The following TTLL9 variants were observed in gnomAD, a reference collection of about 807,000 sequenced individuals.
TTLL9 encodes tubulin tyrosine ligase like 9.
A neutral mutation model predicts 65.6 loss-of-function variants in TTLL9; 47 were observed. That is an observed-to-expected ratio of 0.72 (90% CI 0.57 to 0.91). The LOEUF is 0.91. Among genes scored for constraint, TTLL9 ranks in the 40% least tolerant of loss-of-function variants. The pLI is 0.00. For synonymous variants in TTLL9, 179 were observed against 204.8 expected (o/e 0.87, Z 1.07); for missense variants, 537 against 568.8 (o/e 0.94, Z 0.57).
intron 14 of TTLL9, chr20:31,939,509 T>G (rs6579308): frequency 0.027 from 9,699 of 354,718 alleles, 846 homozygotes; most frequent in African/African-American, 0.18. Flanking sequence ...ATTTGAAAAC[T>G]AGAGAAAGAA....
Position 31,926,090 on chromosome 20 carries a change from G to C in TTLL9, c.747G>C (p.Gln249His), listed in dbSNP as rs201285606. The C allele has an allele frequency of 1.9e-6, 3 of 1,600,072 alleles. No homozygotes were observed. Among genetic ancestry groups the C allele is most frequent in the Non-Finnish European group, 2.6e-6 (3 of 1,167,332 alleles). The stretch of plus-strand genomic sequence containing the variant: ...TGCTGTGGTCTGGGCACAGGAGACA[G>C]GGTATGAGATAGGTCTGGTCCCTTC... ...ECLLWSGHRR[Q>H]DVHLTNVAVQ... The change falls in exon 10 of 15, where the codon CAG becomes CAC. Residue 249 changes from glutamine (Q) to histidine (H), a missense_variant and splice_region_variant. Around this residue, in one of 3 missense-constraint regions of TTLL9, gnomAD observed 12 missense variants for 32.0 expected, o/e 0.37. Coordinates refer to ENST00000535842, the MANE Select transcript of TTLL9 (RefSeq NM_001008409.5).
At chr20:31,906,607 A>G (rs2063563058) in intron 4 of TTLL9, among the ~76,000 whole-genome samples, 2 of 152,076 alleles carry the variant, frequency 1.3e-5, no homozygotes, top group Non-Finnish European at 2.9e-5. Context: ...ACTTGTCTAT[A>G]TTAGAGAAAA....
chr20:31,913,695 T>C (rs1055687202), intron 6 of TTLL9, among the ~76,000 whole-genome samples: 6 of 152,224 alleles, frequency 3.9e-5, no homozygotes, highest in African/African-American at 1.4e-4. Context: ...GGGGACCCTC[T>C]TCCTACCAGG....
chr20:31,899,247 C>T (rs949912335), intron 4 of TTLL9, among the ~76,000 whole-genome samples: 2 of 152,176 alleles, frequency 1.3e-5, no homozygotes, highest in Non-Finnish European at 2.9e-5. Flanking sequence ...TTCTACTATC[C>T]CTTAGGTGAG....
At chr20:31,908,762 G>A in intron 5 of TTLL9, 60 bp downstream of exon 5, 1 of 1,281,488 alleles carries the variant, frequency 7.8e-7, no homozygotes, top group Non-Finnish European at 1.1e-6. Flanking sequence ...GTGTGGCCAT[G>A]AGCTGGAGCT....
Position 31,871,213 on chromosome 20 carries a change from G to T in TTLL9, c.69+18G>T. 6.2e-7 allele frequency: 1 copy of T among 1,613,298 alleles called. No individual in the cohort carries two copies. Among genetic ancestry groups the T allele is most frequent in the Middle Eastern group, 1.7e-4 (1 of 6,060 alleles). On this transcript the variant is annotated intron_variant, in intron 2 of 14. Transcript: ENST00000535842. ...AATTACAGGTGAATGTTGGGAGAGG[G>T]GTTTGAGGGAGGGTTCCAGTCTGAA... is the stretch of plus-strand genomic sequence containing the variant.
chr20:31,887,862 T>TCTTCTCTTCTCTTCTCTTCTCTTCC (rs2063217536), intron 3 of TTLL9, among the ~76,000 whole-genome samples: 2 of 137,780 alleles, frequency 1.5e-5, no homozygotes, highest in Admixed American at 7.2e-5. Context: ...TCTCCTCTTC[T>TCTTCTCTTCTCTTCTCTTCTCTTCC]CTTCTCTTCT....
Position 31,943,839 on chromosome 20 carries a change from G to A in TTLL9, c.*818G>A. ...GCTCATGGGCAGGACAGCTTCGGGA[G>A]TTGAGTGTGAGTAAAAATCTGCCTT... On this transcript the variant is annotated 3_prime_UTR_variant, in exon 15 of 15. Transcript: ENST00000535842. 4.4e-6 allele frequency: 2 copies of A among 456,640 alleles called. No homozygotes were observed. Among genetic ancestry groups the A allele is most frequent in the Non-Finnish European group, 8.8e-6 (2 of 226,954 alleles). 28.3% of individuals were successfully genotyped at this position (456,640 alleles called of 1,614,324 possible).
intron 14 of TTLL9, 154 bp downstream of exon 14, chr20:31,939,420 T>G (rs1163004480): frequency 2.5e-6 from 2 of 804,118 alleles, no homozygotes; most frequent in Non-Finnish European, 3.5e-6. Flanking sequence ...TAACCTCTGT[T>G]CCTCGTTTTT....
At chr20:31,888,256 C>T (rs1278905518) in intron 3 of TTLL9, among the ~76,000 whole-genome samples, 1 of 152,130 alleles carries the variant, frequency 6.6e-6, no homozygotes, top group Non-Finnish European at 1.5e-5. Flanking sequence ...ATTTGAGATG[C>T]TTCTCTCATG....
At chr20:31,893,023 T>C (rs2063329565) in intron 3 of TTLL9, among the ~76,000 whole-genome samples, 1 of 152,228 alleles carries the variant, frequency 6.6e-6, no homozygotes, top group Non-Finnish European at 1.5e-5. Flanking sequence ...ACCCCACTCA[T>C]CATTCCTTCT....
Position 31,919,895 on chromosome 20 carries a change from T to A in TTLL9, c.536T>A (p.Leu179His). 1 of 1,592,830 alleles carries A rather than the reference T, an allele frequency of 6.3e-7. No homozygotes were observed. Among genetic ancestry groups the A allele is most frequent in the Non-Finnish European group, 8.5e-7 (1 of 1,170,232 alleles). The change falls in exon 7 of 15, where the codon CTC becomes CAC. Residue 179 changes from leucine (L) to histidine (H), a missense_variant. Physicochemically the swap from Leu to His is moderately conservative, Grantham distance 99. This residue lies in a region of TTLL9 where 320 missense variants were observed against 311.0 expected (regional missense o/e 1.03). Transcript: ENST00000535842. The stretch of plus-strand genomic sequence containing the variant: ...CGGTCTCAAGGGAAAGGCATCTTCC[T>A]CTTCCGTAGGCTGAAGGACATCGTG... ...VARSQGKGIF[L>H]FRRLKDIVDW...
At chr20:31,893,867 C>G (rs1352988418) in intron 3 of TTLL9, among the ~76,000 whole-genome samples, 3 of 152,050 alleles carry the variant, frequency 2.0e-5, no homozygotes, top group Admixed American at 1.3e-4. Flanking sequence ...TTCCCCATCT[C>G]TTTCTTGAAC....
intron 6 of TTLL9, among the ~76,000 whole-genome samples, chr20:31,913,781 G>A (rs2063691185): frequency 6.6e-6 from 1 of 152,220 alleles, no homozygotes. Flanking sequence ...TAAAAGTCCA[G>A]TGTAAACATT....
chr20:31,892,070 T>C (rs1219714181), intron 3 of TTLL9, among the ~76,000 whole-genome samples: 1 of 152,152 alleles, frequency 6.6e-6, no homozygotes, highest in African/African-American at 2.4e-5. Context: ...CCCAAAGTGC[T>C]GGGATTACGG....
At position 31,930,469 on chromosome 20, in the gene TTLL9, A is replaced by T. The variant is rs114905618; in HGVS notation, c.749-3331A>T. 7.5e-3 allele frequency among the ~76,000 whole-genome samples: 1,146 copies of T among 152,286 alleles called. 19 individuals carry two copies. The highest frequency in any genetic ancestry group is 0.026 in the African/African-American group (1,096 of 41,542). ...CTAGGAACTTTGAGCTTTTTCCCAG[A>T]TGGGGTCCTACCAGCTTTATTTTCT... On this transcript the variant is annotated intron_variant, in intron 10 of 14. Transcript: ENST00000535842.
intron 4 of TTLL9, chr20:31,901,235 G>A (rs1016188799): frequency 3.5e-4 from 54 of 152,232 alleles, no homozygotes; most frequent in Admixed American, 3.2e-3. Flanking sequence ...ATGAGGACAC[G>A]TTAAGGATGG....
chr20:31,925,055 T>C lies in TTLL9; in HGVS notation c.705+6T>C, dbSNP rs747239565. The C allele has an allele frequency of 6.2e-7, 1 of 1,613,520 alleles. No individual in the cohort carries two copies. Among genetic ancestry groups the C allele is most frequent in the Non-Finnish European group, 8.5e-7 (1 of 1,179,842 alleles). On this transcript the variant is annotated splice_donor_region_variant and intron_variant, in intron 9 of 14. Transcript: ENST00000535842. The stretch of plus-strand genomic sequence containing the variant: ...TCTATGTGCTGGTGATGTCGGTGAG[T>C]AACAAAGGTGGGGGCCCTCCTCCAG...
At chr20:31,871,234 C>G (rs773502865) in intron 2 of TTLL9, 39 bp downstream of exon 2, 1 of 1,591,820 alleles carries the variant, frequency 6.3e-7, no homozygotes, top group South Asian at 1.1e-5. Flanking sequence ...GGGTTCCAGT[C>G]TGAAGGAGAC....
Sources: allele counts gnomAD v4.1 joint callset (sites outside exome capture counted in the v4.1 genomes callset), GRCh38; gene constraint gnomAD v4.1.1; regional missense constraint gnomAD v4.1.1; transcripts MANE v1.5; gene names NCBI Gene and HGNC (gene_info 2026-07-23, HGNC 2026-07-21).